ZBTB20: variants seen among roughly 807,000 people sequenced by gnomAD.
ZBTB20 encodes zinc finger and BTB domain-containing protein 20.
In ZBTB20, 9 loss-of-function variants were observed where a neutral mutation model predicts 56.9. The ratio of observed to expected loss-of-function variants is 0.16; its 90% CI spans 0.10 to 0.28. The LOEUF is 0.28. Among genes scored for constraint, ZBTB20 ranks in the 10% least tolerant of loss-of-function variants. ZBTB20 has a pLI of 1.00. For synonymous variants in ZBTB20, 417 were observed against 420.7 expected, an observed-to-expected ratio of 0.99 and a Z score of 0.11; for missense variants, 655 against 1,003.0, an observed-to-expected ratio of 0.65 and a Z score of 4.69.
intron 10 of ZBTB20, among the ~76,000 whole-genome samples, chr3:114,373,933 T>C (rs1038960223): frequency 1.3e-5 from 2 of 152,118 alleles, no homozygotes; most frequent in Non-Finnish European, 2.9e-5. Context: ...ATTTAAAAAA[T>C]AGAGGTAGAT....
intron 4 of ZBTB20, among the ~76,000 whole-genome samples, chr3:114,855,499 G>A (rs1289464464): frequency 6.6e-6 from 1 of 152,168 alleles, no homozygotes; most frequent in Non-Finnish European, 1.5e-5. Context: ...TATGGAGATG[G>A]TTCTCTTTAT....
chr3:114,662,304 T>C (rs934939071), intron 6 of ZBTB20, among the ~76,000 whole-genome samples: 122 of 151,068 alleles, frequency 8.1e-4, no homozygotes, highest in African/African-American at 2.8e-3. Context: ...CAGTCTATCA[T>C]TGTTGGACAT....
chr3:114,734,709 G>A (rs1560185403), intron 5 of ZBTB20, among the ~76,000 whole-genome samples: 2 of 152,100 alleles, frequency 1.3e-5, no homozygotes, highest in Admixed American at 6.6e-5. Context: ...AGAAATAAAT[G>A]TGAGCTGTAC....
At chr3:114,934,580 T>A (rs1463452558) in intron 3 of ZBTB20, among the ~76,000 whole-genome samples, 1 of 152,190 alleles carries the variant, frequency 6.6e-6, no homozygotes, top group Non-Finnish European at 1.5e-5. Flanking sequence ...CCAGAGTAAC[T>A]TTAGTGGAAG....
chr3:114,799,909 T>C (rs2071593206), intron 5 of ZBTB20, among the ~76,000 whole-genome samples: 1 of 151,910 alleles, frequency 6.6e-6, no homozygotes, highest in Admixed American at 6.6e-5. Flanking sequence ...ACTCCAGAAC[T>C]GTCTACTGTC....
chr3:114,385,657 A>C (rs1234563146), intron 8 of ZBTB20, among the ~76,000 whole-genome samples: 1 of 152,128 alleles, frequency 6.6e-6, no homozygotes, highest in Admixed American at 6.5e-5. Flanking sequence ...TCACGAGGTC[A>C]AGTGATCGAG....
intron 1 of ZBTB20, among the ~76,000 whole-genome samples, chr3:115,115,215 A>G (rs896936015): frequency 6.6e-6 from 1 of 152,076 alleles, no homozygotes; most frequent in African/African-American, 2.4e-5. Context: ...CTTGTCTGTA[A>G]AAGACTGAAG....
At chr3:114,620,832 A>G (rs1667941045) in intron 6 of ZBTB20, among the ~76,000 whole-genome samples, 1 of 152,204 alleles carries the variant, frequency 6.6e-6, no homozygotes, top group African/African-American at 2.4e-5. Flanking sequence ...AGATTTGTAA[A>G]ATGCTACCAG....
intron 10 of ZBTB20, 30 bp from the exon 11 acceptor site, chr3:114,351,908 G>A: frequency 6.4e-7 from 1 of 1,567,460 alleles, no homozygotes; most frequent in South Asian, 1.2e-5. Flanking sequence ...ACACAAAACA[G>A]GGCATGGGTC....
At chr3:114,425,057 G>A (rs1250533148) in intron 7 of ZBTB20, among the ~76,000 whole-genome samples, 2 of 149,922 alleles carry the variant, frequency 1.3e-5, no homozygotes, top group Non-Finnish European at 2.9e-5. Flanking sequence ...CTGTGTATCT[G>A]AATGCCCTCT....
intron 1 of ZBTB20, among the ~76,000 whole-genome samples, chr3:115,123,179 G>A (rs966689150): frequency 5.3e-5 from 8 of 152,058 alleles, no homozygotes; most frequent in Non-Finnish European, 1.2e-4. Flanking sequence ...GCAAAGATGA[G>A]AAATATTAGG....
At chr3:114,761,094 A>C (rs529683268) in intron 5 of ZBTB20, among the ~76,000 whole-genome samples, 1 of 152,312 alleles carries the variant, frequency 6.6e-6, no homozygotes, top group South Asian at 2.1e-4. Flanking sequence ...ATTATATTTA[A>C]CAGTGTAAGG....
At chr3:114,538,481 AT>A (rs2048735756) in intron 6 of ZBTB20, among the ~76,000 whole-genome samples, 1 of 152,094 alleles carries the variant, frequency 6.6e-6, no homozygotes, top group South Asian at 2.1e-4. Context: ...TTAAATTTTC[AT>A]TTGACATACT....
intron 4 of ZBTB20, among the ~76,000 whole-genome samples, chr3:114,806,305 T>A (rs1041609363): frequency 6.6e-6 from 1 of 151,868 alleles, no homozygotes; most frequent in Non-Finnish European, 1.5e-5. Flanking sequence ...AGTAGTCTTT[T>A]ACGGTTTTAA....
chr3:114,392,138 A>G (rs1450102632), intron 7 of ZBTB20, among the ~76,000 whole-genome samples: 1 of 152,220 alleles, frequency 6.6e-6, no homozygotes, highest in Non-Finnish European at 1.5e-5. Context: ...AATACTGTCA[A>G]CACCACTGGG....
intron 7 of ZBTB20, among the ~76,000 whole-genome samples, chr3:114,456,298 A>G (rs1037734816): frequency 1.3e-5 from 2 of 152,088 alleles, no homozygotes; most frequent in African/African-American, 4.8e-5. Flanking sequence ...GCAGAAAAAT[A>G]TAATATTGTA....
intron 3 of ZBTB20, among the ~76,000 whole-genome samples, chr3:114,915,939 A>G (rs1024095987): frequency 6.6e-6 from 1 of 151,988 alleles, no homozygotes; most frequent in African/African-American, 2.4e-5. Flanking sequence ...TATTATTTCA[A>G]ATTTTTGAAT....
intron 6 of ZBTB20, among the ~76,000 whole-genome samples, chr3:114,619,933 C>T (rs2058205131): frequency 6.6e-6 from 1 of 152,190 alleles, no homozygotes; most frequent in East Asian, 1.9e-4. Context: ...TAACTGACAT[C>T]AGCCTGACCT....
intron 6 of ZBTB20, among the ~76,000 whole-genome samples, chr3:114,668,198 T>C (rs2061164932): frequency 1.3e-5 from 2 of 152,068 alleles, no homozygotes; most frequent in African/African-American, 4.8e-5. Flanking sequence ...TTCTAGCATA[T>C]TTTAAAGGAC....
Sources: gnomAD v4.1 joint callset for allele counts (sites outside exome capture counted in the v4.1 genomes callset) on GRCh38, gnomAD v4.1.1 for gene constraint, MANE v1.5 for transcripts, NCBI Gene and HGNC (gene_info 2026-07-23, HGNC 2026-07-21) for gene names.